The following NEGR1 variants were observed in gnomAD, a reference collection of about 807,000 sequenced individuals.
NEGR1 encodes the protein IgLON family member 4.
A neutral mutation model predicts 40.9 loss-of-function variants in NEGR1; 10 were observed. That is an observed-to-expected ratio of 0.24 (90% CI 0.15 to 0.42). The LOEUF (loss-of-function observed/expected upper bound fraction) is 0.42. Among genes scored for constraint, NEGR1 ranks in the 10% least tolerant of loss-of-function variants. The pLI, the probability that NEGR1 is intolerant of heterozygous loss-of-function variation, is 1.00. For synonymous variants in NEGR1, 185 were observed against 166.8 expected, an observed-to-expected ratio of 1.11 and a Z score of -0.84; for missense variants, 352 against 438.9, an observed-to-expected ratio of 0.80 and a Z score of 1.77.
intron 3 of NEGR1, among the ~76,000 whole-genome samples, chr1:71,732,556 T>A (rs1437846131): frequency 6.6e-6 from 1 of 151,770 alleles, no homozygotes; most frequent in Non-Finnish European, 1.5e-5. Context: ...TTTAGAGGCA[T>A]TCGTGTTGAC....
At chr1:71,744,021 G>C (rs1655299984) in intron 3 of NEGR1, among the ~76,000 whole-genome samples, 1 of 152,050 alleles carries the variant, frequency 6.6e-6, no homozygotes, top group South Asian at 2.1e-4. Flanking sequence ...CCCACTCATG[G>C]CTTAGATGAC....
chr1:71,475,930 G>A (rs1646816735), intron 6 of NEGR1, among the ~76,000 whole-genome samples: 1 of 151,682 alleles, frequency 6.6e-6, no homozygotes, highest in Non-Finnish European at 1.5e-5. Flanking sequence ...CTTGTATAAA[G>A]CATTTAGCCT....
At chr1:71,408,783 T>C (rs1028157894) in intron 6 of NEGR1, 2 of 151,994 alleles carry the variant, frequency 1.3e-5, no homozygotes, top group African/African-American at 4.8e-5. Flanking sequence ...AGTAAAGAAA[T>C]CGACTACTTC....
chr1:72,091,084 A>G (rs915401179), intron 1 of NEGR1, among the ~76,000 whole-genome samples: 5 of 152,138 alleles, frequency 3.3e-5, no homozygotes, highest in African/African-American at 1.2e-4. Flanking sequence ...CCAAAATTGC[A>G]AAAGATGGGT....
intron 1 of NEGR1, among the ~76,000 whole-genome samples, chr1:72,060,110 T>C (rs1210714055): frequency 6.6e-6 from 1 of 151,692 alleles, no homozygotes; most frequent in African/African-American, 2.4e-5. Context: ...GTGGCAAAAT[T>C]GCTTTTAGGA....
chr1:71,409,836 TC>T (rs1646303726), intron 6 of NEGR1, among the ~76,000 whole-genome samples: 1 of 151,960 alleles, frequency 6.6e-6, no homozygotes, highest in South Asian at 2.1e-4. Flanking sequence ...CAAAATGGAA[TC>T]TTTTCTGAAG....
intron 2 of NEGR1, among the ~76,000 whole-genome samples, chr1:71,793,180 G>GT (rs1168538349): frequency 6.3e-5 from 4 of 63,732 alleles, no homozygotes; most frequent in Non-Finnish European, 1.3e-4. Context: ...TGATTGGGAT[G>GT]TTCTTTTTTT....
intron 3 of NEGR1, among the ~76,000 whole-genome samples, chr1:71,713,439 T>C (rs1557624207): frequency 6.6e-6 from 1 of 152,192 alleles, no homozygotes; most frequent in Non-Finnish European, 1.5e-5. Flanking sequence ...TGAAGGGAAA[T>C]ATACTTTTGA....
At chr1:72,011,342 G>T (rs2422108) in intron 1 of NEGR1, among the ~76,000 whole-genome samples, 51,360 of 151,916 alleles carry the variant, frequency 0.34, 10,427 homozygotes, top group African/African-American at 0.57. Context: ...CTAATATCTT[G>T]GGGAAAGGGA....
At chr1:71,850,090 TTGTGTG>T (rs34916819) in intron 2 of NEGR1, among the ~76,000 whole-genome samples, 1 of 150,446 alleles carries the variant, frequency 6.6e-6, no homozygotes, top group Non-Finnish European at 1.5e-5. Flanking sequence ...TTACATACCA[TTGTGTG>T]TGTGTGTGTG....
At chr1:71,998,925 T>G (rs2100375946) in intron 1 of NEGR1, among the ~76,000 whole-genome samples, 1 of 152,000 alleles carries the variant, frequency 6.6e-6, no homozygotes, top group Admixed American at 6.6e-5. Context: ...ATTATAAATT[T>G]AGGTACATAA....
intron 2 of NEGR1, among the ~76,000 whole-genome samples, chr1:71,813,837 G>C (rs1233064600): frequency 6.6e-6 from 1 of 152,088 alleles, no homozygotes; most frequent in Non-Finnish European, 1.5e-5. Flanking sequence ...TCTGGGCTGA[G>C]ATTATGGGGT....
chr1:71,693,437 G>A (rs1233104497), intron 4 of NEGR1, among the ~76,000 whole-genome samples: 1 of 151,448 alleles, frequency 6.6e-6, no homozygotes, highest in African/African-American at 2.4e-5. Flanking sequence ...TAAGTAACAG[G>A]AACACATCAG....
chr1:71,832,171 G>C (rs947858014), intron 2 of NEGR1, among the ~76,000 whole-genome samples: 4 of 151,880 alleles, frequency 2.6e-5, no homozygotes, highest in Non-Finnish European at 5.9e-5. Flanking sequence ...GGAAATGACA[G>C]GACTCAATGA....
chr1:71,734,962 C>G (rs1655000334), intron 3 of NEGR1, among the ~76,000 whole-genome samples: 2 of 152,030 alleles, frequency 1.3e-5, no homozygotes, highest in Non-Finnish European at 2.9e-5. Context: ...CAAGGCTCTA[C>G]TCTCTGCATC....
chr1:71,445,309 TA>T (rs749842511), intron 6 of NEGR1, among the ~76,000 whole-genome samples: 2,826 of 150,254 alleles, frequency 0.019, 95 homozygotes, highest in African/African-American at 0.066. Context: ...CTTTTTTTTT[TA>T]AAAAAAAAAT....
intron 2 of NEGR1, among the ~76,000 whole-genome samples, chr1:71,858,776 T>G (rs904787684): frequency 2.0e-5 from 3 of 152,136 alleles, no homozygotes; most frequent in African/African-American, 7.2e-5. Flanking sequence ...AATATTTTAC[T>G]GCATTTCAAA....
chr1:71,602,483 C>T (rs1341503718), intron 5 of NEGR1, among the ~76,000 whole-genome samples: 2 of 151,454 alleles, frequency 1.3e-5, no homozygotes, highest in Non-Finnish European at 2.9e-5. Flanking sequence ...GATCTCCTGA[C>T]CTCGTGATCC....
At chr1:71,911,398 C>T (rs1016779307) in intron 2 of NEGR1, among the ~76,000 whole-genome samples, 3 of 152,120 alleles carry the variant, frequency 2.0e-5, no homozygotes, top group Non-Finnish European at 4.4e-5. Context: ...TTTTGATCTG[C>T]AGCAAGAAAC....
Sources: allele counts gnomAD v4.1 joint callset (sites outside exome capture counted in the v4.1 genomes callset), GRCh38; gene constraint gnomAD v4.1.1; transcripts MANE v1.5; gene names NCBI Gene and HGNC (gene_info 2026-07-23, HGNC 2026-07-21).